The following ERC2 variants were observed in gnomAD, a reference collection of about 807,000 sequenced individuals.
ERC2 encodes the protein ELKS/RAB6-interacting/CAST family member 2, also known as ERC protein 2.
In ERC2, 42 loss-of-function variants were observed where a neutral mutation model predicts 114.8. The ratio of observed to expected loss-of-function variants is 0.37; its 90% CI spans 0.29 to 0.47. The LOEUF (loss-of-function observed/expected upper bound fraction) is 0.47. Among genes scored for constraint, ERC2 ranks in the 20% least tolerant of loss-of-function variants. The pLI is 0.99. For synonymous variants in ERC2, 454 were observed against 425.5 expected, an observed-to-expected ratio of 1.07 and a Z score of -0.82; for missense variants, 939 against 1,150.7, an observed-to-expected ratio of 0.82 and a Z score of 2.66.
At chr3:55,710,631 T>G (rs542563335) in intron 15 of ERC2, among the ~76,000 whole-genome samples, 1 of 152,200 alleles carries the variant, frequency 6.6e-6, no homozygotes, top group Non-Finnish European at 1.5e-5. Flanking sequence ...AAGTACAAAA[T>G]GTCCAAATGT....
chr3:56,354,512 A>T (rs1352399947), intron 2 of ERC2, among the ~76,000 whole-genome samples: 1 of 152,172 alleles, frequency 6.6e-6, no homozygotes, highest in Admixed American at 6.5e-5. Context: ...TGCACAGGGC[A>T]GTCCCCCATA....
At chr3:56,300,546 C>T (rs1222765231) in intron 2 of ERC2, among the ~76,000 whole-genome samples, 1 of 152,108 alleles carries the variant, frequency 6.6e-6, no homozygotes, top group Non-Finnish European at 1.5e-5. Flanking sequence ...AGAAGAGAAA[C>T]TGTAAAAGCA....
rs141454314 is a variant in ERC2 at position 55,575,731 on chromosome 3, G to T, written c.*40-64455C>A. 3.1e-4 allele frequency among the ~76,000 whole-genome samples: 47 copies of T among 152,260 alleles called. No individual in the cohort carries two copies. The East Asian group carries it at 8.7e-3, about 28-fold the overall frequency. ...CACTAGTGGCTCAGCTGAGGGGAGA[G>T]GAAGGACCAAGGGCACCAAATTTAC... On this transcript the variant is annotated intron_variant, in intron 17 of 17. Coordinates refer to ENST00000288221, the MANE Select transcript of ERC2 (RefSeq NM_015576.3).
At chr3:56,196,963 T>C (rs1009659771) in intron 3 of ERC2, among the ~76,000 whole-genome samples, 1 of 152,034 alleles carries the variant, frequency 6.6e-6, no homozygotes, top group South Asian at 2.1e-4. Context: ...TATTTCACAA[T>C]AGTATTTTCA....
chr3:56,322,670 C>G (rs2057181857), intron 2 of ERC2, among the ~76,000 whole-genome samples: 2 of 152,164 alleles, frequency 1.3e-5, no homozygotes, highest in Admixed American at 6.5e-5. Flanking sequence ...CAGCCTACTG[C>G]CTGGAGACAG....
intron 13 of ERC2, among the ~76,000 whole-genome samples, chr3:55,897,379 T>C (rs950109734): frequency 1.3e-5 from 2 of 152,230 alleles, no homozygotes; most frequent in African/African-American, 2.4e-5. Flanking sequence ...TTTCTGTTAA[T>C]GATTTGGAAT....
chr3:56,460,209 C>A (rs1249148661), intron 1 of ERC2, among the ~76,000 whole-genome samples: 1 of 152,196 alleles, frequency 6.6e-6, no homozygotes, highest in African/African-American at 2.4e-5. Context: ...CAGCTTAGAG[C>A]TCCTGGTGCT....
intron 4 of ERC2, among the ~76,000 whole-genome samples, chr3:56,163,049 CT>C (rs776501039): frequency 6.6e-6 from 1 of 151,972 alleles, no homozygotes; most frequent in Non-Finnish European, 1.5e-5. Context: ...TGTCCCAGAG[CT>C]TTTGGTATCT....
chr3:56,146,454 A>C (rs1474018021), intron 5 of ERC2, among the ~76,000 whole-genome samples: 1 of 152,230 alleles, frequency 6.6e-6, no homozygotes, highest in Admixed American at 6.5e-5. Context: ...AATTTTTAAC[A>C]ATAAAAGAGG....
intron 12 of ERC2, among the ~76,000 whole-genome samples, chr3:55,969,994 G>T (rs2069040069): frequency 6.6e-6 from 1 of 152,102 alleles, no homozygotes; most frequent in South Asian, 2.1e-4. Flanking sequence ...AATATTCAAG[G>T]TAAGCATCCA....
intron 2 of ERC2, among the ~76,000 whole-genome samples, chr3:56,367,609 G>C (rs1475848248): frequency 6.6e-6 from 1 of 152,154 alleles, no homozygotes; most frequent in African/African-American, 2.4e-5. Context: ...TTGGTCTTGA[G>C]CTGAATGAAG....
At chr3:55,994,686 G>C (rs1311508519) in intron 10 of ERC2, among the ~76,000 whole-genome samples, 1 of 130,884 alleles carries the variant, frequency 7.6e-6, no homozygotes, top group African/African-American at 2.8e-5. Flanking sequence ...TCCCTGATAG[G>C]TTTACAGAGA....
At chr3:56,076,428 T>A (rs1369632265) in intron 7 of ERC2, among the ~76,000 whole-genome samples, 1 of 151,740 alleles carries the variant, frequency 6.6e-6, no homozygotes, top group Admixed American at 6.6e-5. Context: ...TGTCATCAGG[T>A]TTTATGACAT....
intron 15 of ERC2, among the ~76,000 whole-genome samples, chr3:55,734,398 G>A (rs780489647): frequency 3.9e-5 from 6 of 152,238 alleles, no homozygotes; most frequent in Non-Finnish European, 7.4e-5. Flanking sequence ...TGAGCAAGAC[G>A]GAAGGTAACA....
chr3:56,464,396 A>C (rs2063448331), intron 1 of ERC2, among the ~76,000 whole-genome samples: 1 of 152,224 alleles, frequency 6.6e-6, no homozygotes, highest in South Asian at 2.1e-4. Context: ...AGGAGACTGG[A>C]ACCCAACCCA....
At chr3:56,144,459 C>A (rs1176586554) in intron 5 of ERC2, among the ~76,000 whole-genome samples, 1 of 152,186 alleles carries the variant, frequency 6.6e-6, no homozygotes, top group Non-Finnish European at 1.5e-5. Flanking sequence ...ACTGATTCAT[C>A]TGAAATTGAC....
At chr3:56,408,865 A>C (rs937880030) in intron 2 of ERC2, among the ~76,000 whole-genome samples, 3 of 139,418 alleles carry the variant, frequency 2.2e-5, no homozygotes, top group Non-Finnish European at 3.0e-5. Context: ...GGGCAGTTGC[A>C]AAGGCCCTAA....
chr3:56,289,809 A>G (rs1198505251), intron 3 of ERC2, among the ~76,000 whole-genome samples: 4 of 152,210 alleles, frequency 2.6e-5, no homozygotes, highest in Non-Finnish European at 4.4e-5. Flanking sequence ...TACCACCCCA[A>G]GAAGCAGTAG....
chr3:56,118,634 T>TGC lies in ERC2; in HGVS notation c.1473+20874_1473+20875insGC, dbSNP rs1350427731. ...AAGGAAGTTCACACTAATATTCCTT[T>TGC]TCTTTTTTTTTTTTTTTTTTGAGAC... On this transcript the variant is annotated intron_variant, in intron 6 of 17. Transcript: ENST00000288221. Among the ~76,000 whole-genome samples the TGC allele has an allele frequency of 2.6e-3, 363 of 141,630 alleles. 1 individual carries two copies. Among genetic ancestry groups the TGC allele is most frequent in the Non-Finnish European group, 4.9e-3 (313 of 64,188 alleles). 92.9% of individuals were successfully genotyped at this position (141,630 alleles called of 152,430 possible). A position where few individuals can be genotyped will look rare whatever the true frequency, so the allele number is the denominator to read the frequency against.
Sources: allele counts gnomAD v4.1 joint callset (sites outside exome capture counted in the v4.1 genomes callset), GRCh38; gene constraint gnomAD v4.1.1; transcripts MANE v1.5; gene names NCBI Gene and HGNC (gene_info 2026-07-23, HGNC 2026-07-21).